Variants in DPY19L4 observed in about 807,000 individuals in gnomAD.
The protein encoded by DPY19L4 is probable C-mannosyltransferase DPY19L4.
DPY19L4 carries 97 observed loss-of-function variants against 102.8 expected under a neutral mutation model. The ratio of observed to expected loss-of-function variants is 0.94; its 90% CI spans 0.80 to 1.12. The LOEUF (loss-of-function observed/expected upper bound fraction) is 1.12, where lower values mean the gene tolerates loss of function less well. DPY19L4 is among the 50% of genes most tolerant of loss of function. The pLI, the probability that DPY19L4 is intolerant of heterozygous loss-of-function variation, is 0.00. For synonymous variants in DPY19L4, 252 were observed against 283.1 expected, an observed-to-expected ratio of 0.89 and a Z score of 1.10; for missense variants, 815 against 850.4, an observed-to-expected ratio of 0.96 and a Z score of 0.52.
chr8:94,723,367 G>A (rs908782777), intron 1 of DPY19L4, among the ~76,000 whole-genome samples: 1 of 152,096 alleles, frequency 6.6e-6, no homozygotes, highest in Non-Finnish European at 1.5e-5. Context: ...CAGCTACTCG[G>A]GAGGCTGAGG....
intron 6 of DPY19L4, among the ~76,000 whole-genome samples, chr8:94,750,286 G>A (rs1427827329): frequency 6.6e-6 from 1 of 152,120 alleles, no homozygotes; most frequent in East Asian, 1.9e-4. Context: ...GAAACAAAGT[G>A]TATAACAATA....
At chr8:94,732,085 C>T (rs950561555) in intron 2 of DPY19L4, among the ~76,000 whole-genome samples, 8 of 152,060 alleles carry the variant, frequency 5.3e-5, no homozygotes, top group African/African-American at 1.7e-4. Flanking sequence ...GAGTGTTTTT[C>T]AAACATTTAG....
intron 12 of DPY19L4, among the ~76,000 whole-genome samples, chr8:94,769,698 G>GA (rs960089469): frequency 1.3e-4 from 19 of 142,170 alleles, no homozygotes; most frequent in Admixed American, 3.5e-4. Context: ...TAAAGAAAAA[G>GA]AAAAAAAAAA....
At chr8:94,733,079 G>A (rs1335338992) in intron 2 of DPY19L4, among the ~76,000 whole-genome samples, 1 of 145,758 alleles carries the variant, frequency 6.9e-6, no homozygotes, top group African/African-American at 2.6e-5. Context: ...AAGTTTTGGG[G>A]TTACAGACCT....
chr8:94,754,118 AG>A (rs1381795810), intron 6 of DPY19L4, among the ~76,000 whole-genome samples: 2 of 152,162 alleles, frequency 1.3e-5, no homozygotes, highest in African/African-American at 4.8e-5. Context: ...TGGGAGGTCG[AG>A]GCTGCAGTGA....
At chr8:94,778,909 G>T (rs1338350127) in intron 14 of DPY19L4, among the ~76,000 whole-genome samples, 2 of 152,162 alleles carry the variant, frequency 1.3e-5, no homozygotes, top group Non-Finnish European at 2.9e-5. Context: ...GACTGGAGAA[G>T]TGGAGGAAGG....
intron 6 of DPY19L4, among the ~76,000 whole-genome samples, chr8:94,752,302 T>C (rs975245402): frequency 3.3e-5 from 5 of 152,008 alleles, no homozygotes; most frequent in Non-Finnish European, 5.9e-5. Flanking sequence ...AAAGCTTAGA[T>C]TGCTGGGGGC....
At position 94,761,803 on chromosome 8, in the gene DPY19L4, T is replaced by C; in HGVS notation, c.839T>C (p.Leu280Pro). 2 of 1,610,272 alleles carry C rather than the reference T, an allele frequency of 1.2e-6. No homozygotes were observed. The highest frequency in any genetic ancestry group is 1.7e-6 in the Non-Finnish European group (2 of 1,178,572). Residue 280 changes from leucine (L) to proline (P), a missense_variant, in exon 8 of 19, where the codon CTA (leucine) becomes CCA (proline). Coordinates refer to ENST00000414645, the MANE Select transcript of DPY19L4 (RefSeq NM_181787.3). ...LFLQAISLFL[L>P]DTFSVEQSDK... ...CTTCAAGCAATATCTCTATTCCTGC[T>C]AGATACCTTTTCAGTGGAGCAAAGT...
chr8:94,738,560 G>T, intron 4 of DPY19L4, 101 bp downstream of exon 4: 1 of 467,510 alleles, frequency 2.1e-6, no homozygotes. Flanking sequence ...TGTCACCCAG[G>T]CTGGAGTGCA....
intron 13 of DPY19L4, among the ~76,000 whole-genome samples, chr8:94,770,887 CA>C (rs899563303): frequency 5.7e-4 from 78 of 136,742 alleles, no homozygotes; most frequent in Non-Finnish European, 4.6e-4. Context: ...AAGACCCCGT[CA>C]AAAAAAAAAG....
At chr8:94,744,661 G>C (rs936624659) in intron 6 of DPY19L4, 7 of 437,544 alleles carry the variant, frequency 1.6e-5, no homozygotes, top group Middle Eastern at 7.3e-4. Flanking sequence ...ACTTTCTCAT[G>C]TAAACATAAT....
intron 11 of DPY19L4, among the ~76,000 whole-genome samples, chr8:94,767,052 G>A (rs539611913): frequency 7.4e-5 from 11 of 148,940 alleles, no homozygotes; most frequent in Non-Finnish European, 1.5e-4. Flanking sequence ...CCTGGGCAAC[G>A]GTGAGACCCT....
At chr8:94,747,608 G>C (rs969885668) in intron 6 of DPY19L4, among the ~76,000 whole-genome samples, 2 of 149,022 alleles carry the variant, frequency 1.3e-5, no homozygotes, top group East Asian at 3.9e-4. Context: ...GCCCAGGCTG[G>C]AGTGCAGTGG....
intron 1 of DPY19L4, among the ~76,000 whole-genome samples, chr8:94,721,172 C>T (rs1031368568): frequency 6.6e-6 from 1 of 152,238 alleles, no homozygotes; most frequent in Non-Finnish European, 1.5e-5. Context: ...TCTTGAACTT[C>T]TGACCTCAGG....
chr8:94,730,864 G>T (rs1447984707), intron 2 of DPY19L4, among the ~76,000 whole-genome samples: 3 of 146,248 alleles, frequency 2.1e-5, no homozygotes. Flanking sequence ...TCCTGCCTCA[G>T]CCTCCCGAGT....
chr8:94,730,355 A>T (rs776906068), intron 2 of DPY19L4, among the ~76,000 whole-genome samples: 1 of 152,174 alleles, frequency 6.6e-6, no homozygotes, highest in Admixed American at 6.5e-5. Flanking sequence ...GTTTGAGACC[A>T]GGAACCAGAG....
At chr8:94,740,396 A>T (rs949963162) in intron 6 of DPY19L4, among the ~76,000 whole-genome samples, 6 of 151,776 alleles carry the variant, frequency 4.0e-5, no homozygotes, top group Non-Finnish European at 8.8e-5. Context: ...TTGTATATGT[A>T]TTTTTTACCA....
intron 6 of DPY19L4, among the ~76,000 whole-genome samples, chr8:94,741,328 C>T (rs1323425127): frequency 6.6e-6 from 1 of 151,792 alleles, no homozygotes; most frequent in Non-Finnish European, 1.5e-5. Context: ...TAAGCATTTA[C>T]CTAACAGTTG....
chr8:94,773,372 T>C (rs897152142), intron 13 of DPY19L4, among the ~76,000 whole-genome samples: 3 of 152,124 alleles, frequency 2.0e-5, no homozygotes, highest in Non-Finnish European at 4.4e-5. Flanking sequence ...ATTCTTCAAT[T>C]AGGTTACTTG....
Sources: gnomAD v4.1 joint callset for allele counts (sites outside exome capture counted in the v4.1 genomes callset) on GRCh38, gnomAD v4.1.1 for gene constraint, MANE v1.5 for transcripts, NCBI Gene and HGNC (gene_info 2026-07-23, HGNC 2026-07-21) for gene names.